The following SGMS1 variants were observed in gnomAD, a reference collection of about 807,000 sequenced individuals.
The protein encoded by SGMS1 is phosphatidylcholine:ceramide cholinephosphotransferase 1.
A neutral mutation model predicts 46.2 loss-of-function variants in SGMS1; 13 were observed. The observed-to-expected ratio is 0.28, with a 90% CI of 0.18 to 0.45. The LOEUF is 0.45. Among genes scored for constraint, SGMS1 ranks in the 20% least tolerant of loss-of-function variants. The pLI, the probability that SGMS1 is intolerant of heterozygous loss-of-function variation, is 1.00. For missense variants in SGMS1, 324 were observed against 519.9 expected, an observed-to-expected ratio of 0.62 and a Z score of 3.66; for synonymous variants, 203 against 187.8, an observed-to-expected ratio of 1.08 and a Z score of -0.66.
At chr10:50,395,805 T>G (rs1848841083) in intron 6 of SGMS1, among the ~76,000 whole-genome samples, 1 of 152,172 alleles carries the variant, frequency 6.6e-6, no homozygotes, top group South Asian at 2.1e-4. Context: ...AAATAAAGAC[T>G]GGACATCGAT....
At chr10:50,421,730 G>A (rs1234401369) in intron 6 of SGMS1, among the ~76,000 whole-genome samples, 1 of 152,164 alleles carries the variant, frequency 6.6e-6, no homozygotes, top group African/African-American at 2.4e-5. Flanking sequence ...GGCCTATGTA[G>A]TGGAGACGGT....
intron 6 of SGMS1, among the ~76,000 whole-genome samples, chr10:50,370,505 G>C (rs1848418408): frequency 6.6e-6 from 1 of 151,030 alleles, no homozygotes; most frequent in Non-Finnish European, 1.5e-5. Flanking sequence ...CACTTTGGGA[G>C]CCTGAGGTGG....
chr10:50,621,839 G>A (rs1306175478), intron 1 of SGMS1, among the ~76,000 whole-genome samples: 6 of 152,262 alleles, frequency 3.9e-5, no homozygotes, highest in Non-Finnish European at 8.8e-5. Flanking sequence ...ACTTTCTGCA[G>A]AGTAACTACT....
chr10:50,423,819 T>C (rs1433631139), intron 6 of SGMS1, among the ~76,000 whole-genome samples: 1 of 152,234 alleles, frequency 6.6e-6, no homozygotes, highest in African/African-American at 2.4e-5. Context: ...TCTAATACTG[T>C]ACTCAAACTC....
intron 1 of SGMS1, among the ~76,000 whole-genome samples, chr10:50,619,266 C>T (rs1477179428): frequency 2.0e-5 from 3 of 152,118 alleles, no homozygotes; most frequent in Non-Finnish European, 4.4e-5. Flanking sequence ...ACCAGCCCTA[C>T]AAAGCAGCAG....
At chr10:50,578,565 A>G (rs1012132090) in intron 2 of SGMS1, among the ~76,000 whole-genome samples, 1 of 152,220 alleles carries the variant, frequency 6.6e-6, no homozygotes, top group African/African-American at 2.4e-5. Flanking sequence ...CACAGTTAAC[A>G]AGAAAGCCAA....
At chr10:50,507,591 C>A (rs1837718351) in intron 3 of SGMS1, among the ~76,000 whole-genome samples, 1 of 152,222 alleles carries the variant, frequency 6.6e-6, no homozygotes, top group Non-Finnish European at 1.5e-5. Context: ...GCACCCTGAA[C>A]AGCACCCTGA....
At chr10:50,478,123 T>C (rs1837444578) in intron 3 of SGMS1, among the ~76,000 whole-genome samples, 1 of 152,198 alleles carries the variant, frequency 6.6e-6, no homozygotes, top group Non-Finnish European at 1.5e-5. Context: ...ACTGCATAGA[T>C]GTATGTCATG....
intron 6 of SGMS1, among the ~76,000 whole-genome samples, chr10:50,362,165 C>T (rs1255136557): frequency 6.6e-6 from 1 of 152,092 alleles, no homozygotes; most frequent in Non-Finnish European, 1.5e-5. Flanking sequence ...TGCGTATCTC[C>T]TTTATATATC....
At chr10:50,409,917 A>G (rs1359931951) in intron 6 of SGMS1, among the ~76,000 whole-genome samples, 1 of 152,228 alleles carries the variant, frequency 6.6e-6, no homozygotes, top group Non-Finnish European at 1.5e-5. Context: ...AGTATATTTC[A>G]TAAGTCTACA....
intron 5 of SGMS1, among the ~76,000 whole-genome samples, chr10:50,456,331 C>T (rs1415303828): frequency 6.6e-6 from 1 of 151,328 alleles, no homozygotes; most frequent in Non-Finnish European, 1.5e-5. Flanking sequence ...TTTGTCCTCC[C>T]TCACCCCTTA....
intron 8 of SGMS1, among the ~76,000 whole-genome samples, chr10:50,313,573 A>G (rs906258109): frequency 8.5e-5 from 13 of 152,236 alleles, no homozygotes; most frequent in African/African-American, 3.1e-4. Flanking sequence ...TAAAGTTTCA[A>G]ATTAAAAGTT....
chr10:50,329,038 T>G (rs1847573192), intron 7 of SGMS1, among the ~76,000 whole-genome samples: 1 of 152,198 alleles, frequency 6.6e-6, no homozygotes, highest in Admixed American at 6.5e-5. Flanking sequence ...TCAGCACACT[T>G]TCAAGTCTAG....
intron 2 of SGMS1, among the ~76,000 whole-genome samples, chr10:50,526,499 C>T (rs1588864988): frequency 6.6e-6 from 1 of 152,176 alleles, no homozygotes; most frequent in East Asian, 1.9e-4. Context: ...TGCACAACCT[C>T]TTGACTACAG....
At chr10:50,606,671 G>T (rs1838697150) in intron 1 of SGMS1, among the ~76,000 whole-genome samples, 1 of 152,214 alleles carries the variant, frequency 6.6e-6, no homozygotes, top group African/African-American at 2.4e-5. Context: ...TAAAGAGCAG[G>T]ATGCATTCTT....
At chr10:50,381,375 A>G (rs994794029) in intron 6 of SGMS1, among the ~76,000 whole-genome samples, 1 of 152,118 alleles carries the variant, frequency 6.6e-6, no homozygotes, top group Non-Finnish European at 1.5e-5. Context: ...CACTGCCTAC[A>G]CAAAAGCATG....
intron 7 of SGMS1, among the ~76,000 whole-genome samples, chr10:50,337,107 C>T (rs961645446): frequency 6.6e-6 from 1 of 152,000 alleles, no homozygotes; most frequent in Non-Finnish European, 1.5e-5. Flanking sequence ...GGGTAAGTAT[C>T]CGAAAAAGCA....
At chr10:50,436,121 T>C (rs1369061586) in intron 5 of SGMS1, among the ~76,000 whole-genome samples, 1 of 152,250 alleles carries the variant, frequency 6.6e-6, no homozygotes, top group Non-Finnish European at 1.5e-5. Flanking sequence ...ACTTTTTTTT[T>C]TGAGACATAG....
At position 50,349,806 on chromosome 10, in the gene SGMS1, C is replaced by T. The variant is rs150697342; in HGVS notation, c.-231-5461G>A. Among the ~76,000 whole-genome samples the T allele has an allele frequency of 3.0e-3, 452 of 152,326 alleles. 4 individuals carry two copies. Among genetic ancestry groups the T allele is most frequent in the African/African-American group, 0.01 (432 of 41,560 alleles). On this transcript the variant is annotated intron_variant, in intron 6 of 10. Coordinates refer to ENST00000361781, the MANE Select transcript of SGMS1 (RefSeq NM_147156.4). ...GCCATGATTCTCAGGCCTCTGCAGC[C>T]ATGTGGAGCTGTAAGTCCATTTAAA...
Sources: gnomAD v4.1 joint callset for allele counts (sites outside exome capture counted in the v4.1 genomes callset) on GRCh38, gnomAD v4.1.1 for gene constraint, MANE v1.5 for transcripts, NCBI Gene and HGNC (gene_info 2026-07-23, HGNC 2026-07-21) for gene names.